Variants in GPM6B observed in about 807,000 individuals in gnomAD.
GPM6B encodes the protein neuronal membrane glycoprotein M6-b.
In GPM6B, 4 loss-of-function variants were observed where a neutral mutation model predicts 27.2. That is an observed-to-expected ratio of 0.15 (90% CI 0.07 to 0.34). GPM6B has a LOEUF of 0.34. Ranked by LOEUF, GPM6B falls within the 10% of genes least tolerant of loss-of-function variation. The pLI, the probability that GPM6B is intolerant of heterozygous loss-of-function variation, is 1.00. For synonymous variants in GPM6B, 124 were observed against 103.1 expected (o/e 1.20, Z -1.23); for missense variants, 183 against 261.9 (o/e 0.70, Z 2.08).
chrX:13,791,819 G>C (rs2048718959), intron 2 of GPM6B, among the ~76,000 whole-genome samples: 1 of 110,545 alleles, frequency 9.0e-6, no homozygotes, highest in Non-Finnish European at 1.9e-5. Context: ...TTTAATGCTG[G>C]CTCAGACGTA....
At chrX:13,859,164 G>A (rs1190990596) in intron 1 of GPM6B, among the ~76,000 whole-genome samples, 1 of 112,222 alleles carries the variant, frequency 8.9e-6, no homozygotes, top group Non-Finnish European at 1.9e-5. Flanking sequence ...ATCATATGCA[G>A]TTTTGTAATC....
intron 2 of GPM6B, among the ~76,000 whole-genome samples, chrX:13,790,995 G>T (rs2048702542): frequency 8.9e-6 from 1 of 111,768 alleles, no homozygotes; most frequent in African/African-American, 3.3e-5. Flanking sequence ...GTGGTGCCAA[G>T]TACCAGCAGA....
chrX:13,893,586 T>C (rs1283792833), intron 1 of GPM6B, among the ~76,000 whole-genome samples: 1 of 112,398 alleles, frequency 8.9e-6, no homozygotes, highest in African/African-American at 3.2e-5. Context: ...TTTGACTGAA[T>C]GGCCAAAGCA....
intron 5 of GPM6B, 117 bp from the exon 6 acceptor site, chrX:13,777,542 G>A: frequency 2.0e-6 from 1 of 505,708 alleles, no homozygotes; most frequent in Middle Eastern, 3.3e-4. Flanking sequence ...TCTTCATTAA[G>A]AATTGATGGA....
At chrX:13,866,930 G>C (rs973333288) in intron 1 of GPM6B, among the ~76,000 whole-genome samples, 1 of 111,736 alleles carries the variant, frequency 8.9e-6, no homozygotes. Flanking sequence ...CCACAGATTG[G>C]TGAATCTGAT....
intron 1 of GPM6B, among the ~76,000 whole-genome samples, chrX:13,923,203 C>G (rs995176034): frequency 9.1e-6 from 1 of 110,266 alleles, no homozygotes; most frequent in Non-Finnish European, 1.9e-5. Flanking sequence ...CCTAAGCATA[C>G]CTAAGTGTGC....
chrX:13,792,323 G>T (rs1371581950), intron 2 of GPM6B, among the ~76,000 whole-genome samples: 1 of 111,968 alleles, frequency 8.9e-6, no homozygotes, highest in Non-Finnish European at 1.9e-5. Flanking sequence ...GAATTACCCA[G>T]CCCCAGATGT....
At chrX:13,865,183 C>G (rs1480309203) in intron 1 of GPM6B, among the ~76,000 whole-genome samples, 2 of 110,841 alleles carry the variant, frequency 1.8e-5, no homozygotes, top group Admixed American at 9.6e-5. Flanking sequence ...AGGCATCCAA[C>G]TTGGTCATGA....
At chrX:13,934,005 G>C (rs16979363) in intron 1 of GPM6B, among the ~76,000 whole-genome samples, 43,718 of 109,388 alleles carry the variant, frequency 0.4, 6,693 homozygotes, top group Non-Finnish European at 0.46. Context: ...TTTTATGATT[G>C]ATCCCTTTGG....
intron 1 of GPM6B, among the ~76,000 whole-genome samples, chrX:13,915,391 A>G (rs191807259): frequency 1.8e-5 from 2 of 111,896 alleles, no homozygotes; most frequent in East Asian, 5.6e-4. Context: ...AACAGGTAGG[A>G]AAAATGGCAT....
intron 6 of GPM6B, 100 bp from the exon 7 acceptor site, chrX:13,776,403 C>T (rs1162104661): frequency 1.7e-6 from 1 of 604,321 alleles, no homozygotes; most frequent in Non-Finnish European, 2.6e-6. Context: ...TGCAGCTCTT[C>T]TCTGCAAGAC....
chrX:13,829,202 C>T (rs73453250), intron 1 of GPM6B, among the ~76,000 whole-genome samples: 2,957 of 111,303 alleles, frequency 0.027, 91 homozygotes, highest in African/African-American at 0.091. Context: ...CACACACTTC[C>T]GCAACTCAGG....
chrX:13,915,278 TAAAAA>T (rs57417145), intron 1 of GPM6B, among the ~76,000 whole-genome samples: 1,146 of 80,493 alleles, frequency 0.014, 24 homozygotes, highest in South Asian at 0.057. Flanking sequence ...AAAAAATGTG[TAAAAA>T]AAAAAAAAAA....
intron 1 of GPM6B, among the ~76,000 whole-genome samples, chrX:13,911,297 T>C (rs1439515327): frequency 8.9e-6 from 1 of 112,118 alleles, no homozygotes; most frequent in Non-Finnish European, 1.9e-5. Flanking sequence ...CACAGAACTT[T>C]TAAGGGCCCA....
Position 13,772,771 on chromosome X carries a change from T to C in GPM6B, c.*110A>G, listed in dbSNP as rs1382407524. The C allele has an allele frequency of 3.0e-6, 2 of 676,019 alleles. No individual in the cohort carries two copies. The highest frequency in any genetic ancestry group is 4.4e-6 in the Non-Finnish European group (2 of 449,687). 55.7% of individuals were successfully genotyped at this position (676,019 alleles called of 1,213,427 possible). A position where few individuals can be genotyped will look rare whatever the true frequency, so the allele number is the denominator to read the frequency against. On this transcript the variant is annotated 3_prime_UTR_variant, in exon 8 of 8. Coordinates refer to ENST00000316715, the MANE Select transcript of GPM6B (RefSeq NM_001001995.3). ...CAGCAGCTTGAGACAGACAGTGAAGTGTTTGTACATCTACATTAGTTTGGT... is the reference window on the plus strand; with the variant it reads ...CAGCAGCTTGAGACAGACAGTGAAGCGTTTGTACATCTACATTAGTTTGGT...
intron 1 of GPM6B, among the ~76,000 whole-genome samples, chrX:13,912,803 C>T (rs6528024): frequency 0.057 from 6,380 of 111,436 alleles, 260 homozygotes; most frequent in East Asian, 0.2. Context: ...TCGCCTTCTG[C>T]ACTTGATACA....
rs1416078902 is a variant in GPM6B, at chrX:13,935,974, C to T, written c.-198+2353G>A. Among the ~76,000 whole-genome samples the T allele has an allele frequency of 3.6e-5, 4 of 112,308 alleles. No homozygotes were observed. The Admixed American group carries it at 3.8e-4, about 11-fold the overall frequency. On this transcript the variant is annotated intron_variant, in intron 1 of 6. Transcript: ENST00000398361. The stretch of plus-strand genomic sequence containing the variant: ...ATTGGCTCATTCCATTTACCTGAAC[C>T]CTCCAGAAGAGGCAAATCCATAGAG...
At chrX:13,854,763 T>C (rs1417467741) in intron 1 of GPM6B, among the ~76,000 whole-genome samples, 1 of 112,080 alleles carries the variant, frequency 8.9e-6, no homozygotes, top group Non-Finnish European at 1.9e-5. Flanking sequence ...CACTATGTAC[T>C]CTATGGATAT....
intron 1 of GPM6B, among the ~76,000 whole-genome samples, chrX:13,827,800 C>T (rs1359663223): frequency 1.2e-4 from 14 of 112,221 alleles, no homozygotes; most frequent in Admixed American, 7.5e-4. Flanking sequence ...ATAAAGATGA[C>T]GTGACTTCTT....
Sources: gnomAD v4.1 joint callset for allele counts (sites outside exome capture counted in the v4.1 genomes callset) on GRCh38, gnomAD v4.1.1 for gene constraint, MANE v1.5 for transcripts, NCBI Gene and HGNC (gene_info 2026-07-23, HGNC 2026-07-21) for gene names.